Variants in C12orf42 observed in about 807,000 individuals in gnomAD.
C12orf42 encodes the protein chromosome 12 open reading frame 42.
A neutral mutation model predicts 21.6 loss-of-function variants in C12orf42; 25 were observed. That is an observed-to-expected ratio of 1.16 (90% CI 0.84 to 1.62). C12orf42 has a LOEUF of 1.62. C12orf42 is among the 40% of genes most tolerant of loss of function. The pLI, the probability that C12orf42 is intolerant of heterozygous loss-of-function variation, is 0.00. For synonymous variants in C12orf42, 174 were observed against 175.0 expected, an observed-to-expected ratio of 0.99 and a Z score of 0.05; for missense variants, 483 against 459.3, an observed-to-expected ratio of 1.05 and a Z score of -0.47.
downstream of C12orf42, chr12:103,268,336 C>T (rs2035272629): frequency 6.6e-6 from 1 of 152,044 alleles, no homozygotes; most frequent in South Asian, 2.1e-4. Flanking sequence ...TGGCACCATG[C>T]CTGGTTAATA....
the C12orf42 span, among the ~76,000 whole-genome samples, chr12:103,519,068 G>T: frequency 6.6e-6 from 1 of 152,134 alleles, no homozygotes; most frequent in Admixed American, 6.6e-5. Context: ...ATGATAGTGA[G>T]TGAGTTCTTA....
intron 2 of C12orf42, among the ~76,000 whole-genome samples, chr12:103,457,425 C>T (rs1438529399): frequency 1.3e-5 from 2 of 152,100 alleles, no homozygotes; most frequent in Non-Finnish European, 2.9e-5. Flanking sequence ...TCCTCTGTGG[C>T]TTGAAAGTAC....
chr12:103,155,953 A>G, the C12orf42 span: 3 of 151,478 alleles, frequency 2.0e-5, no homozygotes, highest in African/African-American at 7.3e-5. Flanking sequence ...TTAATTTTGT[A>G]TTACTGTAAA....
At chr12:103,310,403 A>G (rs757916536) in intron 4 of C12orf42, among the ~76,000 whole-genome samples, 12 of 152,224 alleles carry the variant, frequency 7.9e-5, no homozygotes, top group Non-Finnish European at 1.6e-4. Flanking sequence ...GCAATGCACA[A>G]TAGCCTTTCT....
intron 3 of C12orf42, among the ~76,000 whole-genome samples, chr12:103,390,929 C>G (rs111855256): frequency 0.013 from 1,927 of 152,276 alleles, 38 homozygotes; most frequent in African/African-American, 0.044. Context: ...TAATGCTAAT[C>G]TCTTTTAAAA....
At chr12:103,100,376 C>T in the C12orf42 span, among the ~76,000 whole-genome samples, 1 of 152,216 alleles carries the variant, frequency 6.6e-6, no homozygotes, top group Non-Finnish European at 1.5e-5. Flanking sequence ...ATGGCGGGCT[C>T]CTGCCGACAC....
chr12:103,491,050 A>G (rs1955154498), intron 1 of C12orf42, among the ~76,000 whole-genome samples: 1 of 152,210 alleles, frequency 6.6e-6, no homozygotes, highest in Non-Finnish European at 1.5e-5. Flanking sequence ...TATAAATTAG[A>G]AAAATTTCAC....
intron 3 of C12orf42, among the ~76,000 whole-genome samples, chr12:103,400,544 G>A (rs1398038185): frequency 6.6e-6 from 1 of 152,178 alleles, no homozygotes; most frequent in Non-Finnish European, 1.5e-5. Flanking sequence ...ACACCATATT[G>A]CAGGTGCCTT....
At chr12:103,250,402 T>C (rs2034239552) in intron 10 of C12orf42, among the ~76,000 whole-genome samples, 2 of 152,036 alleles carry the variant, frequency 1.3e-5, no homozygotes, top group Admixed American at 6.6e-5. Flanking sequence ...CACAAGCCTT[T>C]TCTCCAACAG....
chr12:103,486,150 A>G (rs761760412), intron 1 of C12orf42, among the ~76,000 whole-genome samples: 12 of 152,194 alleles, frequency 7.9e-5, no homozygotes, highest in Non-Finnish European at 1.2e-4. Context: ...ATGTTCCATT[A>G]ATACCTAGTT....
chr12:103,362,446 G>C (rs1432073380), intron 4 of C12orf42, among the ~76,000 whole-genome samples: 3 of 152,006 alleles, frequency 2.0e-5, no homozygotes, highest in East Asian at 1.9e-4. Context: ...GACAAAACAA[G>C]GTTCTTTACC....
chr12:103,322,119 GCGCGCGCA>G (rs1170570156), intron 4 of C12orf42, among the ~76,000 whole-genome samples: 17 of 93,924 alleles, frequency 1.8e-4, no homozygotes, highest in African/African-American at 4.9e-4. Context: ...GCGTGCGCGC[GCGCGCGCA>G]CACACACACA....
At chr12:103,156,258 T>C in the C12orf42 span, 1 of 152,112 alleles carries the variant, frequency 6.6e-6, no homozygotes, top group Non-Finnish European at 1.5e-5. Flanking sequence ...ATGATTCTTA[T>C]TTATTTAAAG....
chr12:103,389,890 G>T (rs1453488925), intron 3 of C12orf42, among the ~76,000 whole-genome samples: 1 of 152,154 alleles, frequency 6.6e-6, no homozygotes, highest in Non-Finnish European at 1.5e-5. Context: ...TGGGGCCATT[G>T]TGCTCTTTCC....
chr12:103,370,836 A>G (rs1426188670), intron 3 of C12orf42, among the ~76,000 whole-genome samples: 2 of 152,116 alleles, frequency 1.3e-5, no homozygotes, highest in African/African-American at 2.4e-5. Flanking sequence ...TGTGGTACAC[A>G]GTTCACCATA....
the C12orf42 span, among the ~76,000 whole-genome samples, chr12:103,057,180 CTTT>C: frequency 1.4e-5 from 2 of 138,578 alleles, no homozygotes; most frequent in African/African-American, 5.3e-5. Flanking sequence ...AACAGCACAT[CTTT>C]TTTTTTTTTT....
the C12orf42 span, among the ~76,000 whole-genome samples, chr12:103,185,193 C>A: frequency 2.0e-5 from 3 of 152,122 alleles, no homozygotes. Context: ...AGGATTTACT[C>A]TTGGATTCTT....
At chr12:103,436,110 G>T in intron 2 of C12orf42, among the ~76,000 whole-genome samples, 1 of 152,064 alleles carries the variant, frequency 6.6e-6, no homozygotes, top group Non-Finnish European at 1.5e-5. Context: ...CATTCTTAAA[G>T]AAAAGAATTT....
intron 3 of C12orf42, among the ~76,000 whole-genome samples, chr12:103,393,236 A>G (rs946071043): frequency 2.6e-5 from 4 of 152,188 alleles, no homozygotes; most frequent in African/African-American, 9.7e-5. Flanking sequence ...CTGCTCAGCT[A>G]CTGATGAGAG....
Sources: gnomAD v4.1 joint callset for allele counts (sites outside exome capture counted in the v4.1 genomes callset) on GRCh38, gnomAD v4.1.1 for gene constraint, MANE v1.5 for transcripts, NCBI Gene and HGNC (gene_info 2026-07-23, HGNC 2026-07-21) for gene names.